KLHL29: variants seen among roughly 807,000 people sequenced by gnomAD.
KLHL29 encodes the protein kelch-like protein 29.
A neutral mutation model predicts 80.4 loss-of-function variants in KLHL29; 21 were observed. The ratio of observed to expected loss-of-function variants is 0.26; its 90% confidence interval spans 0.19 to 0.38. The LOEUF is 0.38. Among genes scored for constraint, KLHL29 ranks in the 10% least tolerant of loss-of-function variants. The pLI is 1.00. For synonymous variants in KLHL29, 511 were observed against 526.8 expected (o/e 0.97, Z 0.41); for missense variants, 867 against 1,223.9 (o/e 0.71, Z 4.35).
chr2:23,482,550 C>T (rs529921098), intron 2 of KLHL29, among the ~76,000 whole-genome samples: 1 of 152,214 alleles, frequency 6.6e-6, no homozygotes, highest in Non-Finnish European at 1.5e-5. Context: ...ATGTGTGCAT[C>T]CTGCTCAGGG....
At chr2:23,461,989 T>TTTTTTTTATG (rs1553326615) in intron 1 of KLHL29, among the ~76,000 whole-genome samples, 1 of 150,450 alleles carries the variant, frequency 6.6e-6, no homozygotes, top group Non-Finnish European at 1.5e-5. Context: ...TTTTTTTTTT[T>TTTTTTTTATG]AATGACAAAA....
intron 1 of KLHL29, among the ~76,000 whole-genome samples, chr2:23,441,529 CTT>C (rs1329889813): frequency 6.6e-6 from 1 of 151,210 alleles, no homozygotes; most frequent in Non-Finnish European, 1.5e-5. Flanking sequence ...AAAAAAAAAA[CTT>C]AGTAACCTAA....
intron 2 of KLHL29, among the ~76,000 whole-genome samples, chr2:23,486,241 GC>G (rs1400982607): frequency 6.6e-6 from 1 of 152,014 alleles, no homozygotes; most frequent in Non-Finnish European, 1.5e-5. Context: ...ACCTATCACA[GC>G]CCCATTTCAT....
At chr2:23,467,071 A>G (rs1326247126) in intron 1 of KLHL29, among the ~76,000 whole-genome samples, 5 of 151,662 alleles carry the variant, frequency 3.3e-5, no homozygotes, top group African/African-American at 4.9e-5. Flanking sequence ...CCTGTCATTC[A>G]CCCCCTCCTG....
intron 3 of KLHL29, among the ~76,000 whole-genome samples, chr2:23,628,266 G>A (rs568004664): frequency 6.6e-6 from 1 of 152,316 alleles, no homozygotes; most frequent in East Asian, 1.9e-4. Flanking sequence ...GTCACAAAGG[G>A]AGTCGCAGAT....
rs376290990 is a variant in KLHL29 at position 23,695,625 on chromosome 2, C to T, written c.1545C>T (p.Tyr515=). ...ATTCTGTCTCCTGTACCCTGCAGTA[C>T]GCGGCTGAGCTCCTGGCCGTGGTCC... The part of the protein sequence containing the change: ...IKKDPATRTQ[Y]AAELLAVVRL... The change falls in exon 9 of 14, where the codon TAC becomes TAT. Residue 515 remains tyrosine (Y), a splice_region_variant and synonymous_variant. Coordinates refer to ENST00000486442, the MANE Select transcript of KLHL29 (RefSeq NM_052920.2). The surrounding 1 kb of genome is among the most constrained non-coding windows in gnomAD (Gnocchi z 7.6). 2.5e-4 allele frequency: 392 copies of T among 1,548,728 alleles called. No homozygotes were observed. In the African/African-American group the frequency reaches 4.4e-3, roughly 17 times the overall value.
At position 23,627,910 on chromosome 2, in the gene KLHL29, C is replaced by CTTTTTTTTT. The variant is rs10624746; in HGVS notation, c.286-11223_286-11215dup. ...GACTAGAAAGGAGGAGGCCAGGAGT[C>CTTTTTTTTT]TTTTTTTTTTTTTTGAGATGGAGTC... On this transcript the variant is annotated intron_variant, in intron 3 of 13. Coordinates refer to ENST00000486442, the MANE Select transcript of KLHL29 (RefSeq NM_052920.2). 2.6e-4 allele frequency among the ~76,000 whole-genome samples: 31 copies of CTTTTTTTTT among 120,658 alleles called. 3 individuals carry two copies. Among genetic ancestry groups the CTTTTTTTTT allele is most frequent in the African/African-American group, 8.2e-4 (25 of 30,394 alleles). The allele number at this position is 120,658 out of a possible 152,430, so 79.2% of individuals were successfully genotyped here. A position where few individuals can be genotyped will look rare whatever the true frequency, so the allele number is the denominator to read the frequency against.
At chr2:23,660,678 G>C (rs1670379508) in intron 5 of KLHL29, among the ~76,000 whole-genome samples, 1 of 152,230 alleles carries the variant, frequency 6.6e-6, no homozygotes, top group African/African-American at 2.4e-5. Flanking sequence ...GGTGGCAGTT[G>C]GGGCCCACAT....
intron 3 of KLHL29, among the ~76,000 whole-genome samples, chr2:23,629,670 G>A (rs555176996): frequency 6.6e-6 from 1 of 152,316 alleles, no homozygotes; most frequent in East Asian, 1.9e-4. Context: ...TGCAAGGGAG[G>A]CCATCTGTGC....
At position 23,705,186 on chromosome 2, in the gene KLHL29, C is replaced by T. The variant is rs185779621; in HGVS notation, c.2445-1295C>T. 6.6e-3 allele frequency among the ~76,000 whole-genome samples: 1,008 copies of T among 152,344 alleles called. 4 individuals carry two copies. The highest frequency in any genetic ancestry group is 0.01 in the Non-Finnish European group (693 of 68,030). On this transcript the variant is annotated intron_variant, in intron 13 of 13. Coordinates refer to ENST00000486442, the MANE Select transcript of KLHL29 (RefSeq NM_052920.2). ...ACTTGGGAGGATGCTCGCACCTTCT[C>T]TGAGACTAGAAGTAAATGGGAAAGG...
chr2:23,454,467 AACCC>A (rs1348854965), intron 1 of KLHL29, among the ~76,000 whole-genome samples: 4 of 152,194 alleles, frequency 2.6e-5, no homozygotes, highest in African/African-American at 2.4e-5. Context: ...ATTTTATTTA[AACCC>A]CCAGGCAGAC....
intron 3 of KLHL29, among the ~76,000 whole-genome samples, chr2:23,564,628 G>A (rs1374918627): frequency 1.3e-5 from 2 of 152,244 alleles, no homozygotes; most frequent in Non-Finnish European, 2.9e-5. Flanking sequence ...GTTCTAGCCT[G>A]GCTCCTGCCC....
chr2:23,403,367 T>C (rs1034652630), intron 1 of KLHL29, among the ~76,000 whole-genome samples: 1 of 152,102 alleles, frequency 6.6e-6, no homozygotes, highest in Non-Finnish European at 1.5e-5. Context: ...AACCAAATGG[T>C]TTTGTATAAT....
intron 6 of KLHL29, among the ~76,000 whole-genome samples, chr2:23,685,764 G>C (rs188578512): frequency 6.6e-6 from 1 of 152,336 alleles, no homozygotes; most frequent in African/African-American, 2.4e-5. Context: ...CTGGGGTGAA[G>C]GGACATGTCT....
chr2:23,607,004 G>T (rs1668744343), intron 3 of KLHL29, among the ~76,000 whole-genome samples: 1 of 152,204 alleles, frequency 6.6e-6, no homozygotes, highest in Non-Finnish European at 1.5e-5. Context: ...CTCCATGGTG[G>T]AAGGGGCAAG....
At chr2:23,701,164 G>T (rs1272626007) in intron 11 of KLHL29, among the ~76,000 whole-genome samples, 1 of 152,144 alleles carries the variant, frequency 6.6e-6, no homozygotes, top group Non-Finnish European at 1.5e-5. Flanking sequence ...CCAGTCCCAA[G>T]CCAGACCCTG....
intron 3 of KLHL29, among the ~76,000 whole-genome samples, chr2:23,601,938 T>A (rs1189144420): frequency 6.6e-6 from 1 of 152,178 alleles, no homozygotes; most frequent in Non-Finnish European, 1.5e-5. Flanking sequence ...TGCTTTGATA[T>A]CAGGCTGTGA....
intron 1 of KLHL29, 131 bp downstream of exon 1, chr2:23,385,911 T>G (rs1666164380): frequency 6.6e-6 from 1 of 151,794 alleles, no homozygotes; most frequent in African/African-American, 2.5e-5. Flanking sequence ...GGGCTCGGCT[T>G]CGGCGGCGGC....
chr2:23,481,533 C>G (rs1208340374), intron 2 of KLHL29, among the ~76,000 whole-genome samples: 1 of 152,230 alleles, frequency 6.6e-6, no homozygotes, highest in Non-Finnish European at 1.5e-5. Context: ...TTTCCCCAGC[C>G]ACAGTAGCTG....
Sources: allele counts gnomAD v4.1 joint callset (sites outside exome capture counted in the v4.1 genomes callset), GRCh38; gene constraint gnomAD v4.1.1; non-coding constraint Gnocchi (gnomAD v3.1); transcripts MANE v1.5; gene names NCBI Gene and HGNC (gene_info 2026-07-23, HGNC 2026-07-21).